The following PRG3 variants were observed in gnomAD, a reference collection of about 807,000 sequenced individuals.
The protein encoded by PRG3 is proteoglycan 3, pro eosinophil major basic protein 2.
In PRG3, 25 loss-of-function variants were observed where a neutral mutation model predicts 26.1. The observed-to-expected ratio is 0.96, with a 90% CI of 0.70 to 1.34. The LOEUF (loss-of-function observed/expected upper bound fraction) is 1.34. Among genes scored for constraint, PRG3 ranks in the 40% most tolerant of loss-of-function variants. The probability of loss-of-function intolerance (pLI) is 0.00; values close to 1 mark genes in which losing one functional copy is unlikely to be tolerated. For synonymous variants in PRG3, 111 were observed against 100.4 expected, an observed-to-expected ratio of 1.11 and a Z score of -0.63; for missense variants, 280 against 264.8, an observed-to-expected ratio of 1.06 and a Z score of -0.40.
chr11:57,378,490 T>C (rs1856965000), intron 4 of PRG3, among the ~76,000 whole-genome samples, 191 bp downstream of exon 4: 1 of 152,170 alleles, frequency 6.6e-6, no homozygotes, highest in Admixed American at 6.5e-5. Context: ...AAGCATGTAG[T>C]CACTGAGCAT....
At chr11:57,379,409 C>A (rs998465192) in intron 3 of PRG3, 85 bp downstream of exon 3, 116 of 1,339,880 alleles carry the variant, frequency 8.7e-5, no homozygotes, top group Non-Finnish European at 1.1e-4. Flanking sequence ...CTTTGAGAAC[C>A]ACTAGCCTAA....
intron 2 of PRG3, 35 bp downstream of exon 2, chr11:57,380,613 G>A (rs1856990395): frequency 6.6e-7 from 1 of 1,520,168 alleles, no homozygotes; most frequent in African/African-American, 1.4e-5. Context: ...AGGAAAAAAG[G>A]GAAAGACGCA....
Position 57,379,773 on chromosome 11 carries a change from T to C in PRG3, c.96A>G (p.Thr32=). Residue 32 remains threonine (T), a synonymous_variant, in exon 3 of 6, where the codon ACA becomes ACG. Transcript: ENST00000287143. ...CCAGATCCTGGCCTAGGTCTGCCTG[T>C]GTCTCTAGGCTCTCCAGATGGGGGG... ...NDAPHLESLE[T]QADLGQDLDS... is the part of the protein sequence containing the mutation. 1 of 1,613,550 alleles carries C rather than the reference T, an allele frequency of 6.2e-7. No homozygotes were observed. Among genetic ancestry groups the C allele is most frequent in the East Asian group, 2.2e-5 (1 of 44,878 alleles).
rs371711448 is a variant in PRG3, at chr11:57,380,724, G to A, written c.-16C>T. On this transcript the variant is annotated 5_prime_UTR_variant, in exon 2 of 6. Coordinates refer to ENST00000287143, the MANE Select transcript of PRG3 (RefSeq NM_006093.4). ...GGCATTGCATATCTACTGTCTTTTA[G>A]CGAGGACACTACTCCACCGTCCTTC... 9.2e-6 allele frequency: 14 copies of A among 1,523,872 alleles called. No homozygotes were observed. The African/African-American group carries it at 1.6e-4, about 17-fold the overall frequency. The allele number at this position is 1,523,872 out of a possible 1,614,324, so 94.4% of individuals were successfully genotyped here.
chr11:57,379,424 A>T, intron 3 of PRG3, 70 bp downstream of exon 3: 1 of 1,413,504 alleles, frequency 7.1e-7, no homozygotes, highest in Non-Finnish European at 9.6e-7. Context: ...GCCTAAATGA[A>T]TAGGGAACAG....
At position 57,378,788 on chromosome 11, in the gene PRG3, C is replaced by T. The variant is rs760082146; in HGVS notation, c.400G>A (p.Gly134Ser). ...AQNVCSRCYG[G>S]NLVSIHDFNF... ...AAGTCATGGATAGAGACAAGGTTGCCTCCGTAGCATCTGCTGCAGACATTC... is the reference window on the plus strand; with the variant it reads ...AAGTCATGGATAGAGACAAGGTTGCTTCCGTAGCATCTGCTGCAGACATTC... The change falls in exon 4 of 6, where the codon GGC becomes AGC. Residue 134 changes from glycine to serine, a missense_variant. Coordinates refer to ENST00000287143, the MANE Select transcript of PRG3 (RefSeq NM_006093.4). The T allele has an allele frequency of 5.0e-6, 8 of 1,613,686 alleles. No homozygotes were observed. The Admixed American group carries it at 1.3e-4, about 27-fold the overall frequency.
intron 3 of PRG3, among the ~76,000 whole-genome samples, chr11:57,379,175 A>G (rs1429960102): frequency 6.6e-6 from 1 of 152,246 alleles, no homozygotes; most frequent in Non-Finnish European, 1.5e-5. Flanking sequence ...AACACAGCTA[A>G]TAAAAGGCAG....
At position 57,378,676 on chromosome 11, in the gene PRG3, C is replaced by T. The variant is rs766908768; in HGVS notation, c.507+5G>A. ...ACTGCACCCAAGATTTGGCCCCTGA[C>T]TTACCCAGCCCCTGAGGTTGCCTCC... On this transcript the variant is annotated splice_donor_5th_base_variant and intron_variant, in intron 4 of 5. Coordinates refer to ENST00000287143, the MANE Select transcript of PRG3 (RefSeq NM_006093.4). 1.2e-6 allele frequency: 2 copies of T among 1,612,864 alleles called. No individual in the cohort carries two copies. The highest frequency in any genetic ancestry group is 2.7e-5 in the African/African-American group (2 of 74,934).
intron 4 of PRG3, 78 bp downstream of exon 4, chr11:57,378,603 G>A: frequency 6.4e-7 from 1 of 1,558,592 alleles, no homozygotes; most frequent in East Asian, 2.3e-5. Flanking sequence ...CTGCTGGCCT[G>A]AGGCTTGGCA....
chr11:57,379,524 C>T lies in PRG3; in HGVS notation c.345G>A (p.Val115=). The T allele has an allele frequency of 6.2e-7, 1 of 1,613,260 alleles. No homozygotes were observed. The highest frequency in any genetic ancestry group is 1.7e-5 in the Admixed American group (1 of 59,984). The change falls in exon 3 of 6, where the codon GTG becomes GTA. Residue 115 remains valine, a synonymous_variant. Coordinates refer to ENST00000287143, the MANE Select transcript of PRG3 (RefSeq NM_006093.4). The part of the protein sequence containing the change: ...PRCKICRYLL[V]RTPKTFAEAQ... ...CTTCTGCAAAAGTTTTAGGAGTCCG[C>T]ACCAATAGGTAGCGGCAGATCTTGC...
intron 3 of PRG3, 93 bp downstream of exon 3, chr11:57,379,401 T>C (rs780109062): frequency 2.5e-5 from 32 of 1,292,656 alleles, no homozygotes; most frequent in Non-Finnish European, 3.3e-5. Context: ...ATGCGAGGCT[T>C]TGAGAACCAC....
At chr11:57,378,189 C>CCAAA (rs1856962387) in intron 4 of PRG3, among the ~76,000 whole-genome samples, 1 of 152,018 alleles carries the variant, frequency 6.6e-6, no homozygotes, top group African/African-American at 2.4e-5. Context: ...ATGGACCGTA[C>CCAAA]CAAATATAAT....
chr11:57,379,910 G>T, intron 2 of PRG3, 103 bp from the exon 3 acceptor site: 2 of 1,087,714 alleles, frequency 1.8e-6, no homozygotes, highest in Non-Finnish European at 1.3e-6. Flanking sequence ...AATTCCACCT[G>T]AAGACAAGAC....
chr11:57,379,222 C>G (rs1856973848), intron 3 of PRG3, among the ~76,000 whole-genome samples: 1 of 152,170 alleles, frequency 6.6e-6, no homozygotes, highest in Non-Finnish European at 1.5e-5. Flanking sequence ...AACACCAAAG[C>G]CTTTTGTTTA....
intron 5 of PRG3, among the ~76,000 whole-genome samples, chr11:57,377,148 C>T (rs1389187508): frequency 6.6e-6 from 1 of 152,146 alleles, no homozygotes; most frequent in Non-Finnish European, 1.5e-5. Flanking sequence ...TACCATGACT[C>T]CAAGAGGTGG....
chr11:57,380,989 G>A, intron 1 of PRG3, 125 bp downstream of exon 1: 1 of 263,682 alleles, frequency 3.8e-6, no homozygotes, highest in South Asian at 8.2e-5. Flanking sequence ...TCCTGCCCCT[G>A]CGGGGACAGG....
At chr11:57,378,326 G>GGATTCTGTCTCAT (rs1418489377) in intron 4 of PRG3, among the ~76,000 whole-genome samples, 1 of 152,178 alleles carries the variant, frequency 6.6e-6, no homozygotes, top group Non-Finnish European at 1.5e-5. Flanking sequence ...AGCTGGGCCT[G>GGATTCTGTCTCAT]GACTCTGTCT....
Position 57,380,718 on chromosome 11 carries a change from C to G in PRG3, c.-10G>C. On this transcript the variant is annotated 5_prime_UTR_variant, in exon 2 of 6. Coordinates refer to ENST00000287143, the MANE Select transcript of PRG3 (RefSeq NM_006093.4). Reference sequence around the variant, plus strand: ...GCAAGAGGCATTGCATATCTACTGTCTTTTAGCGAGGACACTACTCCACCG... The same window carrying G: ...GCAAGAGGCATTGCATATCTACTGTGTTTTAGCGAGGACACTACTCCACCG... 3 of 1,535,292 alleles carry G rather than the reference C, an allele frequency of 2.0e-6. No homozygotes were observed. The highest frequency in any genetic ancestry group is 2.8e-5 in the African/African-American group (2 of 70,836).
chr11:57,377,705 C>G lies in PRG3; in HGVS notation c.619+20G>C, dbSNP rs759186668. 1.3e-6 allele frequency: 2 copies of G among 1,588,790 alleles called. No individual in the cohort carries two copies. The highest frequency in any genetic ancestry group is 1.7e-6 in the Non-Finnish European group (2 of 1,159,144). On this transcript the variant is annotated intron_variant, in intron 5 of 5. Transcript: ENST00000287143. ...CACTTTACTATCCCTTCTCCCTGCC[C>G]TGGTGCCCTTCCCCCTCACCTTTGG...
Sources: allele counts gnomAD v4.1 joint callset (sites outside exome capture counted in the v4.1 genomes callset), GRCh38; gene constraint gnomAD v4.1.1; transcripts MANE v1.5; gene names NCBI Gene and HGNC (gene_info 2026-07-23, HGNC 2026-07-21).